Variants in TSPAN9 observed in about 807,000 individuals in gnomAD.
The protein encoded by TSPAN9 is tetraspanin 9.
Under a neutral mutation model 31.0 loss-of-function variants are expected in TSPAN9, and 16 were observed. That is an observed-to-expected ratio of 0.52 (90% CI 0.35 to 0.78). The LOEUF is 0.78. Among genes scored for constraint, TSPAN9 ranks in the 30% least tolerant of loss-of-function variants. TSPAN9 has a pLI of 0.01. For missense variants in TSPAN9, 272 were observed against 312.5 expected (o/e 0.87, Z 0.98); for synonymous variants, 145 against 121.6 (o/e 1.19, Z -1.27).
At chr12:3,116,263 A>G (rs1216732317) in intron 2 of TSPAN9, among the ~76,000 whole-genome samples, 2 of 152,114 alleles carry the variant, frequency 1.3e-5, no homozygotes, top group African/African-American at 4.8e-5. Context: ...GGGGCTTCAG[A>G]CTGGGGTTCA....
intron 3 of TSPAN9, among the ~76,000 whole-genome samples, chr12:3,230,976 G>A (rs2098390440): frequency 6.6e-6 from 1 of 152,166 alleles, no homozygotes; most frequent in Non-Finnish European, 1.5e-5. Flanking sequence ...CTGGGGGCGG[G>A]GGTGTATGCT....
chr12:3,255,493 C>T (rs1862328932), intron 3 of TSPAN9, among the ~76,000 whole-genome samples: 1 of 152,242 alleles, frequency 6.6e-6, no homozygotes, highest in Non-Finnish European at 1.5e-5. Flanking sequence ...CCACTCAGCC[C>T]TTTGCCACCA....
intron 2 of TSPAN9, among the ~76,000 whole-genome samples, chr12:3,117,039 C>G (rs913158952): frequency 6.6e-6 from 1 of 152,134 alleles, no homozygotes; most frequent in African/African-American, 2.4e-5. Flanking sequence ...AGATCTTCAC[C>G]TTTACAAGCA....
At chr12:3,257,072 A>G (rs1443421884) in intron 3 of TSPAN9, among the ~76,000 whole-genome samples, 1 of 152,132 alleles carries the variant, frequency 6.6e-6, no homozygotes, top group Non-Finnish European at 1.5e-5. Context: ...ATGAGTTAGG[A>G]GACCGCTCCC....
At chr12:3,231,740 G>A (rs1251878378) in intron 3 of TSPAN9, among the ~76,000 whole-genome samples, 1 of 152,242 alleles carries the variant, frequency 6.6e-6, no homozygotes, top group East Asian at 1.9e-4. Context: ...CTCCCGGCTC[G>A]GGTTACTTGT....
At chr12:3,204,259 C>T (rs1483441670) in intron 3 of TSPAN9, among the ~76,000 whole-genome samples, 1 of 152,232 alleles carries the variant, frequency 6.6e-6, no homozygotes, top group Non-Finnish European at 1.5e-5. Flanking sequence ...CCGCTGCCGC[C>T]ACACCACCCC....
chr12:3,258,887 C>G (rs1233825356), intron 3 of TSPAN9, among the ~76,000 whole-genome samples: 1 of 152,170 alleles, frequency 6.6e-6, no homozygotes, highest in East Asian at 1.9e-4. Flanking sequence ...CATTGCCCCC[C>G]ACTGTCTCTT....
chr12:3,269,065 C>CGTTCCTGCAGCCTGCCCTCCCTGT (rs1324368604), intron 3 of TSPAN9, among the ~76,000 whole-genome samples: 48 of 21,188 alleles, frequency 2.3e-3, no homozygotes, highest in East Asian at 0.015. Context: ...GCCCTCCGTG[C>CGTTCCTGCAGCCTGCCCTCCCTGT]GTTCCTGCAG....
At chr12:3,138,725 C>T (rs1007175925) in intron 2 of TSPAN9, among the ~76,000 whole-genome samples, 3 of 151,962 alleles carry the variant, frequency 2.0e-5, no homozygotes, top group African/African-American at 7.3e-5. Flanking sequence ...AAGTCGTGGG[C>T]TCAAGTGATT....
At chr12:3,089,487 G>A (rs954492397) in intron 2 of TSPAN9, among the ~76,000 whole-genome samples, 17 of 151,588 alleles carry the variant, frequency 1.1e-4, no homozygotes, top group Admixed American at 5.9e-4. Flanking sequence ...AGTAGAGACG[G>A]GGTTTTACCG....
intron 2 of TSPAN9, among the ~76,000 whole-genome samples, chr12:3,109,180 C>A (rs7485657): frequency 6.6e-6 from 1 of 151,002 alleles, no homozygotes; most frequent in African/African-American, 2.4e-5. Flanking sequence ...TCGTGATCCG[C>A]CCGCCTTGGC....
Position 3,218,486 on chromosome 12 carries a change from G to A in TSPAN9, c.63+17230G>A, listed in dbSNP as rs1277657347. ...CTAGGGATCTGGTTGGGGCTATGAT[G>A]GCCAGGACTTCTCACCTGGCCTTCT... On this transcript the variant is annotated intron_variant, in intron 3 of 8. Coordinates refer to ENST00000011898, the MANE Select transcript of TSPAN9 (RefSeq NM_006675.5). Among the ~76,000 whole-genome samples the A allele has an allele frequency of 2.6e-5, 4 of 152,242 alleles. No individual in the cohort carries two copies. In the East Asian group the frequency reaches 7.7e-4, roughly 29 times the overall value.
rs1217907320 is a variant in TSPAN9 at position 3,283,962 on chromosome 12, G to GCC, written c.*849_*850dup. ...GTGGAGCGTGAAGCAGGCTGGAGGT[G>GCC]CCCCTGCACGGGAGGTGGCGTTTGC... On this transcript the variant is annotated 3_prime_UTR_variant, in exon 9 of 9. Transcript: ENST00000011898. 1 of 152,618 alleles carries GCC rather than the reference G, an allele frequency of 6.6e-6. No individual in the cohort carries two copies. The highest frequency in any genetic ancestry group is 1.5e-5 in the Non-Finnish European group (1 of 68,330). 9.5% of individuals were successfully genotyped at this position (152,618 alleles called of 1,614,324 possible).
chr12:3,138,275 G>A (rs1307938732), intron 2 of TSPAN9, among the ~76,000 whole-genome samples: 2 of 152,162 alleles, frequency 1.3e-5, no homozygotes, highest in Non-Finnish European at 2.9e-5. Flanking sequence ...GAGCCCTGGG[G>A]CTGGCTGGGA....
intron 2 of TSPAN9, among the ~76,000 whole-genome samples, chr12:3,183,688 A>G (rs1355216257): frequency 6.6e-6 from 1 of 152,166 alleles, no homozygotes; most frequent in Non-Finnish European, 1.5e-5. Flanking sequence ...TCATCACCAA[A>G]TACCCAAGGA....
intron 2 of TSPAN9, among the ~76,000 whole-genome samples, chr12:3,125,235 C>T (rs1480904029): frequency 4.7e-5 from 7 of 150,382 alleles, no homozygotes; most frequent in Non-Finnish European, 7.4e-5. Context: ...ATGTTATGTA[C>T]TTGCTAACAT....
chr12:3,118,260 T>TTTTTTTTTTTTTTTG (rs2098323434), intron 2 of TSPAN9, among the ~76,000 whole-genome samples: 1 of 71,264 alleles, frequency 1.4e-5, no homozygotes, highest in Non-Finnish European at 2.5e-5. Context: ...CCCGCCGTTT[T>TTTTTTTTTTTTTTTG]TTTTTTTTTT....
At chr12:3,244,942 C>G (rs2098398689) in intron 3 of TSPAN9, among the ~76,000 whole-genome samples, 1 of 152,198 alleles carries the variant, frequency 6.6e-6, no homozygotes, top group South Asian at 2.1e-4. Context: ...CAGGGGCCCC[C>G]TTCTGCCAAC....
chr12:3,129,797 G>T (rs1228673550), intron 2 of TSPAN9, among the ~76,000 whole-genome samples: 1 of 152,182 alleles, frequency 6.6e-6, no homozygotes, highest in African/African-American at 2.4e-5. Context: ...GGCAGCTCAA[G>T]GGTAGGATGA....
Sources: allele counts gnomAD v4.1 joint callset (sites outside exome capture counted in the v4.1 genomes callset), GRCh38; gene constraint gnomAD v4.1.1; transcripts MANE v1.5; gene names NCBI Gene and HGNC (gene_info 2026-07-23, HGNC 2026-07-21).